HEATR5B: variants seen among roughly 807,000 people sequenced by gnomAD.
HEATR5B encodes HEAT repeat containing 5B.
HEATR5B carries 156 observed loss-of-function variants against 224.1 expected under a neutral mutation model. The ratio of observed to expected loss-of-function variants is 0.70; its 90% CI spans 0.61 to 0.80. The LOEUF is 0.80. Ranked by LOEUF, HEATR5B falls within the 30% of genes least tolerant of loss-of-function variation. HEATR5B has a pLI of 0.00. For missense variants in HEATR5B, 2,323 were observed against 2,535.5 expected, an observed-to-expected ratio of 0.92 and a Z score of 1.80; for synonymous variants, 1,027 against 893.0, an observed-to-expected ratio of 1.15 and a Z score of -2.68.
chr2:37,034,538 G>C (rs1228954534), intron 21 of HEATR5B, among the ~76,000 whole-genome samples: 1 of 141,912 alleles, frequency 7.0e-6, no homozygotes, highest in East Asian at 2.1e-4. Context: ...GCGTGAACCC[G>C]GGAGGCGGAG....
At chr2:37,031,658 TTATAATAAACTTCTTTAA>T (rs1669141094) in intron 22 of HEATR5B, among the ~76,000 whole-genome samples, 1 of 152,150 alleles carries the variant, frequency 6.6e-6, no homozygotes, top group Non-Finnish European at 1.5e-5. Context: ...TGGTAGATTT[TTATAATAAACTTCTTTAA>T]TATTCTACAA....
At chr2:37,040,713 C>T (rs990694357) in intron 19 of HEATR5B, among the ~76,000 whole-genome samples, 195 bp from the exon 20 acceptor site, 3 of 151,728 alleles carry the variant, frequency 2.0e-5, no homozygotes, top group African/African-American at 7.3e-5. Context: ...TGTATAATAA[C>T]GTCTAAAAAG....
At chr2:37,032,884 G>GC (rs759016213) in intron 21 of HEATR5B, 111 bp from the exon 22 acceptor site, 1 of 654,172 alleles carries the variant, frequency 1.5e-6, no homozygotes, top group Non-Finnish European at 2.2e-6. Context: ...GTTTTGTTTT[G>GC]TTTTTTTTTT....
At chr2:37,077,973 A>C (rs1329416463) in intron 3 of HEATR5B, among the ~76,000 whole-genome samples, 2 of 152,244 alleles carry the variant, frequency 1.3e-5, no homozygotes, top group East Asian at 3.8e-4. Flanking sequence ...CCCCAGTGTC[A>C]CTTAGGTCAA....
chr2:37,003,738 A>C (rs776344183), intron 30 of HEATR5B, 52 bp from the exon 31 acceptor site: 3 of 1,303,622 alleles, frequency 2.3e-6, no homozygotes, highest in Non-Finnish European at 3.1e-6. Context: ...TCAAAGAATA[A>C]CTTTATATTG....
chr2:37,019,715 C>T lies in HEATR5B; in HGVS notation c.4104+94G>A, dbSNP rs886231872. ...CAAGCGATCCTCCCATGTTGGTCTC[C>T]CAAATTTTTCTCTATTCCTTTACAC... On this transcript the variant is annotated intron_variant, in intron 26 of 35. Coordinates refer to ENST00000233099, the MANE Select transcript of HEATR5B (RefSeq NM_019024.3). 3 of 876,878 alleles carry T rather than the reference C, an allele frequency of 3.4e-6. No individual in the cohort carries two copies. The African/African-American group carries it at 5.1e-5, about 15-fold the overall frequency. 54.3% of individuals were successfully genotyped at this position (876,878 alleles called of 1,614,324 possible). A position where few individuals can be genotyped will look rare whatever the true frequency, so the allele number is the denominator to read the frequency against.
chr2:37,039,352 G>A (rs899623375), intron 20 of HEATR5B, among the ~76,000 whole-genome samples: 5 of 152,020 alleles, frequency 3.3e-5, no homozygotes, highest in African/African-American at 9.7e-5. Context: ...TGTAATCCCA[G>A]CTACTCAGGA....
At chr2:37,027,651 G>A (rs1285761188) in intron 24 of HEATR5B, among the ~76,000 whole-genome samples, 2 of 152,086 alleles carry the variant, frequency 1.3e-5, no homozygotes, top group Non-Finnish European at 2.9e-5. Context: ...CTAAGTAACT[G>A]CCATCATTAT....
At chr2:37,015,904 A>C (rs1480459910) in intron 26 of HEATR5B, among the ~76,000 whole-genome samples, 1 of 152,164 alleles carries the variant, frequency 6.6e-6, no homozygotes, top group African/African-American at 2.4e-5. Flanking sequence ...AAAAAAAATA[A>C]AGCCTTAAAG....
intron 21 of HEATR5B, among the ~76,000 whole-genome samples, chr2:37,033,355 C>A (rs1669260140): frequency 6.6e-6 from 1 of 152,132 alleles, no homozygotes; most frequent in African/African-American, 2.4e-5. Context: ...AAAGCTCATA[C>A]AATATACTTA....
chr2:37,052,578 T>C (rs1670629605), intron 17 of HEATR5B, among the ~76,000 whole-genome samples: 1 of 152,268 alleles, frequency 6.6e-6, no homozygotes, highest in African/African-American at 2.4e-5. Context: ...CCTTCTTAAG[T>C]TGAGAACTTT....
chr2:37,046,694 T>C (rs114448624), intron 18 of HEATR5B, among the ~76,000 whole-genome samples: 3,875 of 150,516 alleles, frequency 0.026, 171 homozygotes, highest in African/African-American at 0.09. Context: ...AAGACTCTAG[T>C]TGGCCAGTTT....
intron 20 of HEATR5B, among the ~76,000 whole-genome samples, chr2:37,038,649 C>T (rs905150350): frequency 2.6e-5 from 4 of 152,146 alleles, no homozygotes; most frequent in African/African-American, 4.8e-5. Context: ...GACAATGGGT[C>T]TAAGCAAGCG....
intron 17 of HEATR5B, among the ~76,000 whole-genome samples, 169 bp from the exon 18 acceptor site, chr2:37,050,012 T>A (rs980270189): frequency 2.1e-4 from 32 of 151,922 alleles, no homozygotes; most frequent in African/African-American, 7.3e-4. Flanking sequence ...CAGCTCAGCC[T>A]CCTGAGTAGC....
intron 10 of HEATR5B, among the ~76,000 whole-genome samples, chr2:37,064,244 TCTGA>T (rs910667302): frequency 6.6e-6 from 1 of 151,742 alleles, no homozygotes; most frequent in Non-Finnish European, 1.5e-5. Context: ...AAAGAAAAGC[TCTGA>T]CTTTCAAATA....
Position 37,037,952 on chromosome 2 carries a change from T to C in HEATR5B, c.3119A>G (p.Asp1040Gly), listed in dbSNP as rs1458880402. The C allele has an allele frequency of 6.2e-7, 1 of 1,602,292 alleles. No individual in the cohort carries two copies. The highest frequency in any genetic ancestry group is 8.5e-7 in the Non-Finnish European group (1 of 1,172,566). Reference protein sequence around the residue: ...VGCAITQDHSDSLVQAAAISC... With the variant: ...VGCAITQDHSGSLVQAAAISC... ...TATGGCAGCTGCCTGAACAAGAGAA[T>C]CTGAATGGTCTTGTGTTATTGCACA... Residue 1040 changes from aspartate (D) to glycine (G), a missense_variant, in exon 21 of 36, where the codon GAT (aspartate) becomes GGT (glycine). Asp to Gly is a moderately conservative substitution (Grantham distance 94). Coordinates refer to ENST00000233099, the MANE Select transcript of HEATR5B (RefSeq NM_019024.3).
chr2:37,055,185 T>C (rs941553363), intron 16 of HEATR5B: 1 of 288,340 alleles, frequency 3.5e-6, no homozygotes, highest in Admixed American at 4.1e-5. Flanking sequence ...TAATTTAACA[T>C]TGTATCATGA....
intron 27 of HEATR5B, 133 bp from the exon 28 acceptor site, chr2:37,008,981 T>C (rs1667610937): frequency 2.8e-6 from 2 of 715,702 alleles, no homozygotes; most frequent in South Asian, 1.8e-5. Context: ...ACACTTTGGC[T>C]GGGTGCGGTG....
chr2:36,995,497 A>G (rs1666639684), intron 33 of HEATR5B, among the ~76,000 whole-genome samples: 1 of 152,224 alleles, frequency 6.6e-6, no homozygotes, highest in South Asian at 2.1e-4. Flanking sequence ...TAAAGCTAAA[A>G]TAATTTTAAT....
Sources: allele counts gnomAD v4.1 joint callset (sites outside exome capture counted in the v4.1 genomes callset), GRCh38; gene constraint gnomAD v4.1.1; transcripts MANE v1.5; gene names NCBI Gene and HGNC (gene_info 2026-07-23, HGNC 2026-07-21).